The following RPL10 variants were observed in gnomAD, a reference collection of about 807,000 sequenced individuals.
RPL10 encodes large ribosomal subunit protein uL16.
Under a neutral mutation model 15.7 loss-of-function variants are expected in RPL10, and 1 was observed. The ratio of observed to expected loss-of-function variants is 0.06; its 90% CI spans 0.02 to 0.30. RPL10 has a LOEUF of 0.30. Ranked by LOEUF, RPL10 falls within the 10% of genes least tolerant of loss-of-function variation. The pLI is 1.00. For synonymous variants in RPL10, 59 were observed against 64.0 expected (o/e 0.92, Z 0.37); for missense variants, 54 against 183.4 (o/e 0.29, Z 4.08).
At chrX:154,398,912 C>T in intron 2 of RPL10, 1 of 360,512 alleles carries the variant, frequency 2.8e-6, no homozygotes, top group Non-Finnish European at 5.1e-6. Context: ...GTGCGGCCGC[C>T]TCCTGTGTCC....
At chrX:154,400,179 T>G (rs2067998934) in intron 5 of RPL10, 1 of 545,642 alleles carries the variant, frequency 1.8e-6, no homozygotes, top group Non-Finnish European at 3.3e-6. Context: ...GTGATGGGAG[T>G]AGCTCTTCTT....
Position 154,402,060 on chromosome X carries a change from T to C in RPL10, c.*1206T>C, listed in dbSNP as rs2068052688. 8.9e-6 allele frequency: 1 copy of C among 112,509 alleles called. No homozygotes were observed. The highest frequency in any genetic ancestry group is 3.2e-5 in the African/African-American group (1 of 30,847). The allele number at this position is 112,509 out of a possible 1,213,427, so 9.3% of individuals were successfully genotyped here. A position where few individuals can be genotyped will look rare whatever the true frequency, so the allele number is the denominator to read the frequency against. ...AGATTTTCTGTGTGGAGATGTTGCC[T>C]TGACCAGCCTTGGCTGGACTTTACC... On this transcript the variant is annotated 3_prime_UTR_variant, in exon 7 of 7. Coordinates refer to ENST00000369817, the MANE Select transcript of RPL10 (RefSeq NM_006013.5).
intron 4 of RPL10, 25 bp downstream of exon 4, chrX:154,399,619 A>AC (rs781790203): frequency 1.7e-6 from 2 of 1,190,433 alleles, no homozygotes; most frequent in Non-Finnish European, 1.1e-6. Flanking sequence ...TTTGTTCGTC[A>AC]CCCCCCAGTC....
At chrX:154,398,809 C>A in intron 2 of RPL10, 2 of 429,876 alleles carry the variant, frequency 4.7e-6, no homozygotes, top group South Asian at 3.4e-5. Flanking sequence ...GCGCTAGATA[C>A]GCTCTTGGGG....
chrX:154,402,271 AT>A lies in RPL10; in HGVS notation c.*1419del, dbSNP rs1361228629. On this transcript the variant is annotated 3_prime_UTR_variant, in exon 7 of 7. Transcript: ENST00000369817. ...CAGATTAACCACCCTCCTTGTAGCTATTGGGGCTTAATGGTTTCCTGGTGAT... is the reference window on the plus strand; with the variant it reads ...CAGATTAACCACCCTCCTTGTAGCTATGGGGCTTAATGGTTTCCTGGTGAT... 2 of 134,552 alleles carry A rather than the reference AT, an allele frequency of 1.5e-5. No homozygotes were observed. Among genetic ancestry groups the A allele is most frequent in the Non-Finnish European group, 3.0e-5 (2 of 67,199 alleles). 11.1% of individuals were successfully genotyped at this position (134,552 alleles called of 1,213,427 possible).
chrX:154,398,168 A>G (rs1037801996), upstream of RPL10: 7 of 415,594 alleles, frequency 1.7e-5, no homozygotes, highest in African/African-American at 1.7e-4. Context: ...GCGAAGCCCC[A>G]TTCGTCAGCT....
In RPL10 at chrX:154,401,287, A is replaced by G; in HGVS notation, c.*433A>G. On this transcript the variant is annotated 3_prime_UTR_variant, in exon 7 of 7. Coordinates refer to ENST00000369817, the MANE Select transcript of RPL10 (RefSeq NM_006013.5). ...GTTTATTTAGCAAGGGTAGGTGTGC[A>G]TCACATTGGGCTTGTTCTCACCCAT... The G allele has an allele frequency of 4.2e-6, 1 of 235,316 alleles. No individual in the cohort carries two copies. Among genetic ancestry groups the G allele is most frequent in the South Asian group, 5.1e-5 (1 of 19,590 alleles). The allele number at this position is 235,316 out of a possible 1,213,427, so 19.4% of individuals were successfully genotyped here.
chrX:154,399,062 T>C, intron 2 of RPL10: 1 of 438,137 alleles, frequency 2.3e-6, no homozygotes, highest in Admixed American at 3.9e-5. Context: ...GAAGAGAGAA[T>C]TTTTAACTAG....
rs1569552241 is a variant in RPL10, at chrX:154,398,402, A to G, written c.-24+8A>G. The G allele has an allele frequency of 3.3e-6, 3 of 912,611 alleles. No individual in the cohort carries two copies. Among genetic ancestry groups the G allele is most frequent in the Non-Finnish European group, 4.8e-6 (3 of 626,870 alleles). The allele number at this position is 912,611 out of a possible 1,213,427, so 75.2% of individuals were successfully genotyped here. Reference sequence around the variant, plus strand: ...CTCTTTCCCTTCGGTGTGGTGAGTAAGCGCAGTTGTCGTCTCTTGCGGTGC... The same window carrying G: ...CTCTTTCCCTTCGGTGTGGTGAGTAGGCGCAGTTGTCGTCTCTTGCGGTGC... On this transcript the variant is annotated splice_region_variant and intron_variant, in intron 1 of 6. Transcript: ENST00000369817.
At position 154,399,600 on chromosome X, in the gene RPL10, G is replaced by A. The variant is rs782275521; in HGVS notation, c.190+6G>A. Reference sequence around the variant, plus strand: ...TGAGCAGCTGTCCTCTGAAGGTAAGGCAGGATTCTTTGTTCGTCACCCCCC... The same window carrying A: ...TGAGCAGCTGTCCTCTGAAGGTAAGACAGGATTCTTTGTTCGTCACCCCCC... On this transcript the variant is annotated splice_donor_region_variant and intron_variant, in intron 4 of 6. Coordinates refer to ENST00000369817, the MANE Select transcript of RPL10 (RefSeq NM_006013.5). The A allele has an allele frequency of 1.7e-6, 2 of 1,205,690 alleles. No individual in the cohort carries two copies. The highest frequency in any genetic ancestry group is 3.0e-5 in the East Asian group (1 of 33,795).
rs1416090417 is a variant in RPL10, at chrX:154,399,154, T to C, written c.24-184T>C. On this transcript the variant is annotated intron_variant, in intron 2 of 6. Coordinates refer to ENST00000369817, the MANE Select transcript of RPL10 (RefSeq NM_006013.5). The stretch of plus-strand genomic sequence containing the variant: ...GTCTGTTGTTTCTAGTCTTGGGTGT[T>C]GTCTGTGTTGCAGCAGCCAACTGTT... 2.7e-5 allele frequency among the ~76,000 whole-genome samples: 3 copies of C among 112,046 alleles called. No individual in the cohort carries two copies. The East Asian group carries it at 8.3e-4, about 31-fold the overall frequency.
At position 154,401,032 on chromosome X, in the gene RPL10, A is replaced by G. The variant is rs1228395050; in HGVS notation, c.*178A>G. The G allele has an allele frequency of 1.7e-6, 2 of 1,146,949 alleles. No individual in the cohort carries two copies. Among genetic ancestry groups the G allele is most frequent in the African/African-American group, 3.6e-5 (2 of 54,953 alleles). The allele number at this position is 1,146,949 out of a possible 1,213,427, so 94.5% of individuals were successfully genotyped here. ...CTCAGCCCTGCTCATGAGGCAGCAA[A>G]CCCTGCAAAGGGCTGGGACTGGTGG... On this transcript the variant is annotated 3_prime_UTR_variant, in exon 7 of 7. Coordinates refer to ENST00000369817, the MANE Select transcript of RPL10 (RefSeq NM_006013.5).
chrX:154,399,246 C>T (rs782688388), intron 2 of RPL10, 92 bp from the exon 3 acceptor site: 32 of 910,730 alleles, frequency 3.5e-5, no homozygotes, highest in Admixed American at 6.6e-5. Flanking sequence ...ACCCTTTTCC[C>T]GTCCCTCGTT....
At position 154,401,059 on chromosome X, in the gene RPL10, C is replaced by A; in HGVS notation, c.*205C>A. ...CCTGCAAAGGGCTGGGACTGGTGGC[C>A]TTATGTCAGTTGTCTACTCTGGAGC... On this transcript the variant is annotated 3_prime_UTR_variant, in exon 7 of 7. Coordinates refer to ENST00000369817, the MANE Select transcript of RPL10 (RefSeq NM_006013.5). The A allele has an allele frequency of 1.8e-6, 2 of 1,099,836 alleles. No individual in the cohort carries two copies. The highest frequency in any genetic ancestry group is 1.8e-5 in the African/African-American group (1 of 54,814). 90.6% of individuals were successfully genotyped at this position (1,099,836 alleles called of 1,213,427 possible).
At position 154,399,843 on chromosome X, in the gene RPL10, A is replaced by G. The variant is rs1459860601; in HGVS notation, c.231A>G (p.Val77=). The change falls in exon 5 of 7, where the codon GTA becomes GTG. Residue 77 remains valine (V), a synonymous_variant. Transcript: ENST00000369817. Reference sequence around the variant, plus strand: ...GAATTTGTGCCAATAAGTACATGGTAAAAAGTTGTGGCAAAGATGGCTTCC... The same window carrying G: ...GAATTTGTGCCAATAAGTACATGGTGAAAAGTTGTGGCAAAGATGGCTTCC... ...AARICANKYM[V]KSCGKDGFHI... 2 of 1,211,805 alleles carry G rather than the reference A, an allele frequency of 1.7e-6. No homozygotes were observed. Among genetic ancestry groups the G allele is most frequent in the African/African-American group, 3.5e-5 (2 of 57,891 alleles).
chrX:154,398,605 C>G (rs2067958661), intron 2 of RPL10, 63 bp downstream of exon 2: 2 of 1,181,361 alleles, frequency 1.7e-6, no homozygotes, highest in Admixed American at 4.3e-5. Context: ...GTGCCTATGG[C>G]CGCTGAAAAC....
chrX:154,398,567 C>G (rs782727968), intron 2 of RPL10, 25 bp downstream of exon 2: 5 of 1,210,394 alleles, frequency 4.1e-6, no homozygotes, highest in Non-Finnish European at 5.6e-6. Flanking sequence ...CGTGTACTTT[C>G]ACTGCTGGGA....
chrX:154,399,584 G>A lies in RPL10; in HGVS notation c.180G>A (p.Leu60=). The A allele has an allele frequency of 8.3e-7, 1 of 1,210,037 alleles. No homozygotes were observed. Among genetic ancestry groups the A allele is most frequent in the Non-Finnish European group, 1.1e-6 (1 of 893,985 alleles). Reference sequence around the variant, plus strand: ...TGGTGTCAGATGAATATGAGCAGCTGTCCTCTGAAGGTAAGGCAGGATTCT... The same window carrying A: ...TGGTGTCAGATGAATATGAGCAGCTATCCTCTGAAGGTAAGGCAGGATTCT... ...GHMVSDEYEQ[L]SSEALEAARI... The change falls in exon 4 of 7, where the codon CTG becomes CTA. Residue 60 remains leucine (L), a synonymous_variant. Coordinates refer to ENST00000369817, the MANE Select transcript of RPL10 (RefSeq NM_006013.5).
Position 154,401,033 on chromosome X carries a change from C to G in RPL10, c.*179C>G. 4 of 1,148,426 alleles carry G rather than the reference C, an allele frequency of 3.5e-6. No individual in the cohort carries two copies. Among genetic ancestry groups the G allele is most frequent in the Non-Finnish European group, 4.6e-6 (4 of 862,199 alleles). The allele number at this position is 1,148,426 out of a possible 1,213,427, so 94.6% of individuals were successfully genotyped here. On this transcript the variant is annotated 3_prime_UTR_variant, in exon 7 of 7. Coordinates refer to ENST00000369817, the MANE Select transcript of RPL10 (RefSeq NM_006013.5). The stretch of plus-strand genomic sequence containing the variant: ...TCAGCCCTGCTCATGAGGCAGCAAA[C>G]CCTGCAAAGGGCTGGGACTGGTGGC...
Sources: gnomAD v4.1 joint callset for allele counts (sites outside exome capture counted in the v4.1 genomes callset) on GRCh38, gnomAD v4.1.1 for gene constraint, MANE v1.5 for transcripts, NCBI Gene and HGNC (gene_info 2026-07-23, HGNC 2026-07-21) for gene names.